The following C10orf67 variants were observed in gnomAD, a reference collection of about 807,000 sequenced individuals.
C10orf67 encodes the protein chromosome 10 open reading frame 67, also known as uncharacterized protein C10orf67, mitochondrial.
A neutral mutation model predicts 35.6 loss-of-function variants in C10orf67; 60 were observed. The ratio of observed to expected loss-of-function variants is 1.68; its 90% CI spans 1.37 to 2.09. The LOEUF is 2.09. Among genes scored for constraint, C10orf67 ranks in the 30% most tolerant of loss-of-function variants. C10orf67 has a pLI of 0.00. For missense variants in C10orf67, 474 were observed against 330.2 expected (o/e 1.44, Z -3.38); for synonymous variants, 167 against 115.8 (o/e 1.44, Z -2.84).
intron 15 of C10orf67, among the ~76,000 whole-genome samples, chr10:23,217,226 G>A (rs118089520): frequency 6.6e-6 from 1 of 152,136 alleles, no homozygotes; most frequent in African/African-American, 2.4e-5. Flanking sequence ...TTGAAACCCA[G>A]TGACATTTGT....
chr10:23,232,377 T>G (rs1242430055), intron 13 of C10orf67, among the ~76,000 whole-genome samples: 7 of 152,130 alleles, frequency 4.6e-5, no homozygotes, highest in Admixed American at 4.6e-4. Flanking sequence ...AATATTTGCA[T>G]AAAGCATAAG....
chr10:23,219,133 A>G (rs995329084), intron 15 of C10orf67, among the ~76,000 whole-genome samples: 1 of 152,194 alleles, frequency 6.6e-6, no homozygotes, highest in African/African-American at 2.4e-5. Flanking sequence ...AATTATATCT[A>G]ATATGTTACA....
At chr10:23,274,633 T>A (rs11591766) in intron 8 of C10orf67, among the ~76,000 whole-genome samples, 2 of 152,274 alleles carry the variant, frequency 1.3e-5, no homozygotes, top group South Asian at 4.1e-4. Flanking sequence ...AAAATCACTG[T>A]TATCCTGTTC....
intron 8 of C10orf67, among the ~76,000 whole-genome samples, chr10:23,272,197 G>A (rs553775570): frequency 4.6e-5 from 7 of 152,326 alleles, no homozygotes; most frequent in South Asian, 2.1e-4. Context: ...GATTACAGGC[G>A]TGAGCCACCA....
At chr10:23,262,324 G>A (rs1361969374) in intron 10 of C10orf67, among the ~76,000 whole-genome samples, 3 of 135,762 alleles carry the variant, frequency 2.2e-5, no homozygotes, top group Non-Finnish European at 4.6e-5. Flanking sequence ...TGAAGCCCCA[G>A]CAAATGGAAT....
In C10orf67 at chr10:23,279,437, C is replaced by T. The variant is rs149468040; in HGVS notation, c.975+2576G>A. On this transcript the variant is annotated intron_variant, in intron 8 of 15. Coordinates refer to ENST00000636213, the MANE Select transcript of C10orf67 (RefSeq NM_001371909.1). ...GACTGCACAGGCTTGAGGCATGCCTCGGAGGGAACGCAGGTGTCAGGAACC... is the reference window on the plus strand; with the variant it reads ...GACTGCACAGGCTTGAGGCATGCCTTGGAGGGAACGCAGGTGTCAGGAACC... 5.4e-3 allele frequency among the ~76,000 whole-genome samples: 818 copies of T among 152,314 alleles called. 7 individuals are homozygous for T. Among genetic ancestry groups the T allele is most frequent in the Non-Finnish European group, 9.4e-3 (640 of 68,040 alleles).
At chr10:23,247,969 A>G (rs1298038911) in intron 12 of C10orf67, among the ~76,000 whole-genome samples, 1 of 152,200 alleles carries the variant, frequency 6.6e-6, no homozygotes, top group African/African-American at 2.4e-5. Flanking sequence ...TGAGGGGACT[A>G]TATGAGCAGA....
At chr10:23,204,945 C>T (rs1841119001) in intron 15 of C10orf67, among the ~76,000 whole-genome samples, 1 of 152,090 alleles carries the variant, frequency 6.6e-6, no homozygotes, top group Admixed American at 6.5e-5. Context: ...CAGTGAAAGC[C>T]GGGAGCGTGG....
intron 13 of C10orf67, among the ~76,000 whole-genome samples, chr10:23,235,614 T>C (rs1842027719): frequency 6.6e-6 from 1 of 152,224 alleles, no homozygotes; most frequent in Non-Finnish European, 1.5e-5. Flanking sequence ...ACGACACTAC[T>C]GAACTGTACA....
chr10:23,339,716 A>C (rs1166382211), intron 1 of C10orf67, among the ~76,000 whole-genome samples: 1 of 152,158 alleles, frequency 6.6e-6, no homozygotes, highest in African/African-American at 2.4e-5. Context: ...TGTGTTTGCT[A>C]TCAGTGTATT....
chr10:23,265,212 C>A (rs1331878842), intron 10 of C10orf67, among the ~76,000 whole-genome samples: 1 of 152,258 alleles, frequency 6.6e-6, no homozygotes, highest in Non-Finnish European at 1.5e-5. Flanking sequence ...CCTGGCCTTG[C>A]TCTACTTGCT....
At chr10:23,304,617 T>C (rs1158471743) in intron 4 of C10orf67, among the ~76,000 whole-genome samples, 1 of 152,102 alleles carries the variant, frequency 6.6e-6, no homozygotes, top group African/African-American at 2.4e-5. Context: ...TCTGGAGGCA[T>C]GTCTGCAGAC....
chr10:23,287,499 G>A (rs557654991), intron 7 of C10orf67, among the ~76,000 whole-genome samples: 1 of 152,282 alleles, frequency 6.6e-6, no homozygotes, highest in South Asian at 2.1e-4. Context: ...AGACTTAAAT[G>A]TAAAACCCAA....
intron 12 of C10orf67, among the ~76,000 whole-genome samples, chr10:23,249,448 A>T (rs1432480600): frequency 3.3e-5 from 5 of 152,244 alleles, no homozygotes; most frequent in Admixed American, 6.5e-5. Context: ...AATGCTTATC[A>T]GCACATACAC....
At chr10:23,213,900 A>C in intron 15 of C10orf67, among the ~76,000 whole-genome samples, 1 of 152,116 alleles carries the variant, frequency 6.6e-6, no homozygotes, top group East Asian at 1.9e-4. Flanking sequence ...TAAAAAGTAG[A>C]TTTTACTAAA....
At chr10:23,301,011 T>A (rs1160389137) in intron 5 of C10orf67, among the ~76,000 whole-genome samples, 1 of 152,148 alleles carries the variant, frequency 6.6e-6, no homozygotes, top group Non-Finnish European at 1.5e-5. Flanking sequence ...GCCATCAGGG[T>A]TATCTGAGAA....
chr10:23,273,305 A>T (rs1212450624), intron 8 of C10orf67, among the ~76,000 whole-genome samples: 2 of 152,206 alleles, frequency 1.3e-5, no homozygotes, highest in Non-Finnish European at 2.9e-5. Flanking sequence ...CAACCATGAT[A>T]ATAGTGTGTT....
chr10:23,307,275 A>G (rs1478516464), intron 4 of C10orf67, among the ~76,000 whole-genome samples: 1 of 152,188 alleles, frequency 6.6e-6, no homozygotes, highest in East Asian at 1.9e-4. Context: ...TAAAGAAACC[A>G]TTTGATTCTT....
intron 15 of C10orf67, among the ~76,000 whole-genome samples, chr10:23,214,089 C>A (rs1841375282): frequency 6.6e-6 from 1 of 150,972 alleles, no homozygotes; most frequent in Admixed American, 6.6e-5. Flanking sequence ...CAAAGAATTA[C>A]CAGGGTTAAA....
Sources: allele counts gnomAD v4.1 joint callset (sites outside exome capture counted in the v4.1 genomes callset), GRCh38; gene constraint gnomAD v4.1.1; transcripts MANE v1.5; gene names NCBI Gene and HGNC (gene_info 2026-07-23, HGNC 2026-07-21).